XPOT: variants seen among roughly 807,000 people sequenced by gnomAD.
XPOT encodes exportin for tRNA.
A neutral mutation model predicts 128.2 loss-of-function variants in XPOT; 34 were observed. That is an observed-to-expected ratio of 0.27 (90% CI 0.20 to 0.35). The LOEUF (loss-of-function observed/expected upper bound fraction) is 0.35, where lower values mean the gene tolerates loss of function less well. XPOT is among the 10% of genes least tolerant of loss of function. The probability of loss-of-function intolerance (pLI) is 1.00; values close to 1 mark genes in which losing one functional copy is unlikely to be tolerated. For missense variants in XPOT, 838 were observed against 1,125.3 expected (o/e 0.74, Z 3.65); for synonymous variants, 348 against 394.3 (o/e 0.88, Z 1.39).
chr12:64,425,900 A>G lies in XPOT; in HGVS notation c.1658A>G (p.Lys553Arg). 6.2e-7 allele frequency: 1 copy of G among 1,613,898 alleles called. No individual in the cohort carries two copies. Among genetic ancestry groups the G allele is most frequent in the Non-Finnish European group, 8.5e-7 (1 of 1,179,766 alleles). Residue 553 changes from lysine (K) to arginine (R), a missense_variant, in exon 15 of 25, where the codon AAA (lysine) becomes AGA (arginine). This residue lies in a region of XPOT where 761 missense variants were observed against 988.3 expected (regional missense o/e 0.77). Transcript: ENST00000332707. ...RTAYLFSRFV[K>R]SLNKQMNPFI... ...GCTTACCTGTTTTCTAGATTTGTCA[A>G]ATCTCTCAAGTAAGTATAAAATTGC...
chr12:64,445,709 C>G (rs2040362353), intron 24 of XPOT, among the ~76,000 whole-genome samples: 1 of 152,154 alleles, frequency 6.6e-6, no homozygotes, highest in African/African-American at 2.4e-5. Flanking sequence ...GTACCAAGTA[C>G]TACAGTAATG....
intron 8 of XPOT, 53 bp downstream of exon 8, chr12:64,420,574 A>T: frequency 7.3e-7 from 1 of 1,363,908 alleles, no homozygotes; most frequent in Non-Finnish European, 1.0e-6. Flanking sequence ...ACAAACTGGG[A>T]TAGGTACTAA....
In XPOT at chr12:64,418,895, A is replaced by G; in HGVS notation, c.290A>G (p.Glu97Gly). The G allele has an allele frequency of 6.2e-7, 1 of 1,613,882 alleles. No homozygotes were observed. Among genetic ancestry groups the G allele is most frequent in the Non-Finnish European group, 8.5e-7 (1 of 1,179,840 alleles). The change falls in exon 6 of 25, where the codon GAG (glutamate) becomes GGG (glycine). Residue 97 changes from glutamate (E) to glycine (G), a missense_variant. Around this residue, in one of 3 missense-constraint regions of XPOT, gnomAD observed 761 missense variants for 988.3 expected, o/e 0.77. Transcript: ENST00000332707. ...LQAQMLNPQPEKTFIRNKAAQ... is the reference protein window; with the variant it reads ...LQAQMLNPQPGKTFIRNKAAQ... ...TGTCAGATGCTGAATCCCCAACCAG[A>G]GAAGACCTTTATACGAAATAAAGCC...
intron 14 of XPOT, 120 bp downstream of exon 14, chr12:64,425,577 A>C (rs1457066822): frequency 7.5e-7 from 1 of 1,325,506 alleles, no homozygotes; most frequent in Non-Finnish European, 1.0e-6. Flanking sequence ...AGTGCTTGGC[A>C]CACACTGAAA....
intron 23 of XPOT, among the ~76,000 whole-genome samples, chr12:64,444,220 A>G (rs1180562113): frequency 6.6e-6 from 1 of 152,126 alleles, no homozygotes; most frequent in Admixed American, 6.6e-5. Context: ...CAGCCGTAGC[A>G]ATGTAGTTTT....
intron 23 of XPOT, 81 bp from the exon 24 acceptor site, chr12:64,444,990 TAAAA>T (rs374914284): frequency 6.9e-6 from 5 of 728,786 alleles, no homozygotes; most frequent in Non-Finnish European, 9.9e-6. Context: ...AAAAAAAAAT[TAAAA>T]AAAAAAAACT....
At chr12:64,425,598 C>T (rs946689674) in intron 14 of XPOT, 141 bp downstream of exon 14, 12 of 1,156,940 alleles carry the variant, frequency 1.0e-5, no homozygotes, top group African/African-American at 4.6e-5. Context: ...GTAACCCCTC[C>T]TCCATTTCTT....
intron 24 of XPOT, among the ~76,000 whole-genome samples, chr12:64,446,448 T>A (rs1037611897): frequency 6.6e-6 from 1 of 152,206 alleles, no homozygotes; most frequent in African/African-American, 2.4e-5. Context: ...TTTCCTCATC[T>A]TCTCTCTCTT....
At chr12:64,421,569 A>C in intron 9 of XPOT, 98 bp downstream of exon 9, 1 of 755,354 alleles carries the variant, frequency 1.3e-6, no homozygotes, top group Non-Finnish European at 2.2e-6. Flanking sequence ...AAATACCCAT[A>C]ATTCTACTAC....
intron 6 of XPOT, among the ~76,000 whole-genome samples, chr12:64,419,830 G>C (rs529207588): frequency 3.9e-5 from 6 of 152,302 alleles, no homozygotes; most frequent in African/African-American, 1.4e-4. Flanking sequence ...ATATGCTTAA[G>C]ATTTCTAAGC....
chr12:64,447,684 TG>T (rs1297530359), intron 24 of XPOT, among the ~76,000 whole-genome samples: 1 of 152,222 alleles, frequency 6.6e-6, no homozygotes, highest in African/African-American at 2.4e-5. Context: ...TTCTCCATGT[TG>T]GTCAGGCTGA....
intron 1 of XPOT, among the ~76,000 whole-genome samples, chr12:64,405,606 A>G (rs1214731406): frequency 1.3e-5 from 2 of 152,096 alleles, no homozygotes; most frequent in African/African-American, 4.8e-5. Flanking sequence ...CCGTATTGAA[A>G]CATTTTTTGG....
chr12:64,436,625 G>C (rs887471812), intron 22 of XPOT, among the ~76,000 whole-genome samples: 4 of 151,944 alleles, frequency 2.6e-5, no homozygotes, highest in Admixed American at 6.6e-5. Flanking sequence ...GTGTTACCCA[G>C]GCTGGAGTGC....
intron 22 of XPOT, among the ~76,000 whole-genome samples, chr12:64,437,029 G>A (rs903386270): frequency 4.6e-5 from 7 of 152,196 alleles, no homozygotes; most frequent in Non-Finnish European, 7.3e-5. Flanking sequence ...CTAAAGAGCA[G>A]TAGTTGCCCT....
At chr12:64,437,041 A>G (rs2040288324) in intron 22 of XPOT, among the ~76,000 whole-genome samples, 1 of 152,040 alleles carries the variant, frequency 6.6e-6, no homozygotes, top group African/African-American at 2.4e-5. Flanking sequence ...AGTTGCCCTC[A>G]CCCCCTAAAA....
At chr12:64,434,239 A>G (rs763056664) in intron 19 of XPOT, among the ~76,000 whole-genome samples, 4 of 152,122 alleles carry the variant, frequency 2.6e-5, no homozygotes, top group Non-Finnish European at 5.9e-5. Flanking sequence ...GGCTCAAGCA[A>G]TCTTCCTCGG....
At chr12:64,440,721 G>GT (rs145987575) in intron 23 of XPOT, among the ~76,000 whole-genome samples, 3,745 of 152,076 alleles carry the variant, frequency 0.025, 178 homozygotes, top group African/African-American at 0.086. Flanking sequence ...AGTGATGTTT[G>GT]TTTTTTCATA....
At chr12:64,435,789 G>C in intron 22 of XPOT, 115 bp downstream of exon 22, 1 of 967,002 alleles carries the variant, frequency 1.0e-6, no homozygotes, top group East Asian at 2.9e-5. Context: ...TTTTGGATGT[G>C]GGGAAAGGGG....
Position 64,430,260 on chromosome 12 carries a change from G to A in XPOT, c.1949G>A (p.Cys650Tyr). The change falls in exon 17 of 25, where the codon TGT (cysteine) becomes TAT (tyrosine). Residue 650 changes from cysteine (C) to tyrosine (Y), a missense_variant. By Grantham distance (194) the Cys-to-Tyr change is radical (BLOSUM62 -2). This residue lies in a region of XPOT where 761 missense variants were observed against 988.3 expected (regional missense o/e 0.77). Coordinates refer to ENST00000332707, the MANE Select transcript of XPOT (RefSeq NM_007235.6). The stretch of plus-strand genomic sequence containing the variant: ...GAAAGGCAAGCCTCTCTAGCAGACT[G>A]TCTTAACCATGCTGTTGGATTTGCA... ...DEERQASLADCLNHAVGFASR... is the reference protein window; with the variant it reads ...DEERQASLADYLNHAVGFASR... The A allele has an allele frequency of 6.3e-7, 1 of 1,591,508 alleles. No homozygotes were observed. The highest frequency in any genetic ancestry group is 8.5e-7 in the Non-Finnish European group (1 of 1,172,148).
Sources: gnomAD v4.1 joint callset for allele counts (sites outside exome capture counted in the v4.1 genomes callset) on GRCh38, gnomAD v4.1.1 for gene constraint, gnomAD v4.1.1 regional missense constraint, MANE v1.5 for transcripts, NCBI Gene and HGNC (gene_info 2026-07-23, HGNC 2026-07-21) for gene names.